CARNMT1: variants seen among roughly 807,000 people sequenced by gnomAD.
CARNMT1 encodes the protein protein-L-histidine N-pros-methyltransferase CARNMT1.
Under a neutral mutation model 49.6 loss-of-function variants are expected in CARNMT1, and 28 were observed. That is an observed-to-expected ratio of 0.56 (90% CI 0.42 to 0.77). The LOEUF (loss-of-function observed/expected upper bound fraction) is 0.77, where lower values mean the gene tolerates loss of function less well. Ranked by LOEUF, CARNMT1 falls within the 30% of genes least tolerant of loss-of-function variation. The pLI is 0.00. For missense variants in CARNMT1, 421 were observed against 512.6 expected (o/e 0.82, Z 1.73); for synonymous variants, 178 against 175.0 (o/e 1.02, Z -0.13).
At chr9:75,027,022 A>G in intron 1 of CARNMT1, 2 of 1,219,498 alleles carry the variant, frequency 1.6e-6, no homozygotes, top group Non-Finnish European at 2.2e-6. Context: ...CATAAAGCAC[A>G]GCAGGAACCC....
chr9:75,009,211 CT>C (rs1833612936), intron 3 of CARNMT1, among the ~76,000 whole-genome samples: 1 of 151,866 alleles, frequency 6.6e-6, no homozygotes, highest in Non-Finnish European at 1.5e-5. Flanking sequence ...CTATAAAAAC[CT>C]TATTTTAAAA....
At position 74,998,581 on chromosome 9, in the gene CARNMT1, G is replaced by T; in HGVS notation, c.910+17C>A. ...GAATAAAGGACAAGACTTTTTAAACGCTTGATTTGGACTTACTGCATTCTG... is the reference window on the plus strand; with the variant it reads ...GAATAAAGGACAAGACTTTTTAAACTCTTGATTTGGACTTACTGCATTCTG... On this transcript the variant is annotated intron_variant, in intron 5 of 7. Transcript: ENST00000376834. 3 of 1,520,632 alleles carry T rather than the reference G, an allele frequency of 2.0e-6. No homozygotes were observed. Among genetic ancestry groups the T allele is most frequent in the Non-Finnish European group, 2.6e-6 (3 of 1,133,244 alleles). 94.2% of individuals were successfully genotyped at this position (1,520,632 alleles called of 1,614,324 possible).
At chr9:75,022,240 T>TTG (rs1822390249) in intron 1 of CARNMT1, among the ~76,000 whole-genome samples, 1 of 130,952 alleles carries the variant, frequency 7.6e-6, no homozygotes, top group Non-Finnish European at 1.6e-5. Context: ...TTTTTTTTTT[T>TTG]GGAGATGGAG....
At chr9:75,001,656 T>C (rs1450798080) in intron 3 of CARNMT1, among the ~76,000 whole-genome samples, 1 of 152,210 alleles carries the variant, frequency 6.6e-6, no homozygotes, top group Admixed American at 6.5e-5. Context: ...ATGGGTAAGA[T>C]GGAGAAAATT....
At chr9:75,026,945 C>T in intron 1 of CARNMT1, 1 of 519,404 alleles carries the variant, frequency 1.9e-6, no homozygotes, top group Non-Finnish European at 3.3e-6. Flanking sequence ...TTGAGGAGGT[C>T]ACAGCAAAGC....
chr9:74,997,099 G>A lies in CARNMT1; in HGVS notation c.911-539C>T, dbSNP rs973580726. On this transcript the variant is annotated intron_variant, in intron 5 of 7. Coordinates refer to ENST00000376834, the MANE Select transcript of CARNMT1 (RefSeq NM_152420.3). ...GGGTGGGAACCCAGTAGAGAACACC[G>A]TTTGCCTCTAGGAGGTATGGTGTCT... Among the ~76,000 whole-genome samples the A allele has an allele frequency of 3.9e-5, 6 of 152,084 alleles. No individual in the cohort carries two copies. The East Asian group carries it at 1.2e-3, about 29-fold the overall frequency.
Position 74,998,647 on chromosome 9 carries a change from A to T in CARNMT1, c.861T>A (p.Ser287=). Residue 287 remains serine (S), a synonymous_variant, in exon 5 of 8, where the codon TCT becomes TCA. Transcript: ENST00000376834. ...DVDPHSLPPG[S]NFSMTAGDFQ... is the part of the protein sequence containing the mutation. Reference sequence around the variant, plus strand: ...AATCTCCTGCTGTCATAGAAAAGTTAGAACCAGGAGGAAGACTGTGGGGGT... The same window carrying T: ...AATCTCCTGCTGTCATAGAAAAGTTTGAACCAGGAGGAAGACTGTGGGGGT... 6.2e-7 allele frequency: 1 copy of T among 1,602,152 alleles called. No individual in the cohort carries two copies. Among genetic ancestry groups the T allele is most frequent in the Non-Finnish European group, 8.5e-7 (1 of 1,174,936 alleles).
Position 74,982,160 on chromosome 9 carries a change from G to GA in CARNMT1, c.*1606dup, listed in dbSNP as rs1832708320. ...CGGAAAAGGTCCCCCCAACTAGTAAGATGCCAAATAGGGTAGTGACTCCCC... is the reference window on the plus strand; with the variant it reads ...CGGAAAAGGTCCCCCCAACTAGTAAGAATGCCAAATAGGGTAGTGACTCCCC... On this transcript the variant is annotated 3_prime_UTR_variant, in exon 8 of 8. Transcript: ENST00000376834. 1 of 152,078 alleles carries GA rather than the reference G, an allele frequency of 6.6e-6. No homozygotes were observed. The highest frequency in any genetic ancestry group is 1.5e-5 in the Non-Finnish European group (1 of 68,012). The allele number at this position is 152,078 out of a possible 1,614,324, so 9.4% of individuals were successfully genotyped here.
intron 1 of CARNMT1, 141 bp downstream of exon 1, chr9:75,027,871 C>T (rs1178467350): frequency 1.1e-6 from 1 of 949,836 alleles, no homozygotes; most frequent in Non-Finnish European, 1.5e-6. Flanking sequence ...TGACTCGGGG[C>T]CCGGAGGTCA....
chr9:75,015,542 T>C (rs1244613246), intron 3 of CARNMT1, among the ~76,000 whole-genome samples: 4 of 151,970 alleles, frequency 2.6e-5, no homozygotes, highest in Non-Finnish European at 5.9e-5. Context: ...TCCCAGCACT[T>C]TGGGAGGAAG....
At chr9:75,023,678 T>G (rs1164054123) in intron 1 of CARNMT1, among the ~76,000 whole-genome samples, 1 of 152,240 alleles carries the variant, frequency 6.6e-6, no homozygotes, top group Non-Finnish European at 1.5e-5. Context: ...TGCACATGCT[T>G]ACGCTATCAG....
intron 1 of CARNMT1, among the ~76,000 whole-genome samples, chr9:75,024,548 A>C (rs1262286062): frequency 1.3e-5 from 2 of 152,232 alleles, no homozygotes; most frequent in Non-Finnish European, 2.9e-5. Flanking sequence ...CTGGGTTATA[A>C]AACTAACATT....
intron 6 of CARNMT1, among the ~76,000 whole-genome samples, chr9:74,985,401 C>A (rs534739963): frequency 6.6e-6 from 1 of 152,082 alleles, no homozygotes; most frequent in Non-Finnish European, 1.5e-5. Flanking sequence ...AAAGGAGGAG[C>A]CTCAAGTTAA....
chr9:75,013,781 A>C (rs976281023), intron 3 of CARNMT1, among the ~76,000 whole-genome samples: 2 of 152,082 alleles, frequency 1.3e-5, no homozygotes, highest in African/African-American at 4.8e-5. Context: ...AGGCAGGAGG[A>C]TCACTTGAGG....
At chr9:74,997,780 A>G (rs1833233704) in intron 5 of CARNMT1, among the ~76,000 whole-genome samples, 1 of 151,054 alleles carries the variant, frequency 6.6e-6, no homozygotes, top group Admixed American at 6.6e-5. Context: ...TCCCTGCCTT[A>G]TTTTTTCTTC....
At chr9:75,013,734 T>C (rs548622528) in intron 3 of CARNMT1, among the ~76,000 whole-genome samples, 2 of 152,148 alleles carry the variant, frequency 1.3e-5, no homozygotes, top group African/African-American at 4.8e-5. Context: ...CCAGGCACAG[T>C]GGTTTATGCC....
At chr9:74,995,905 C>G (rs1207894653) in intron 6 of CARNMT1, 1 of 151,980 alleles carries the variant, frequency 6.6e-6, no homozygotes. Context: ...TTATAGTCAA[C>G]ATTTAATTTC....
chr9:75,016,531 G>C, intron 2 of CARNMT1, 100 bp from the exon 3 acceptor site: 6 of 1,094,800 alleles, frequency 5.5e-6, no homozygotes, highest in Non-Finnish European at 7.9e-6. Flanking sequence ...GTGGTTTAGT[G>C]GATAAATCAC....
chr9:74,996,283 G>T, intron 6 of CARNMT1, 164 bp downstream of exon 6: 1 of 526,680 alleles, frequency 1.9e-6, no homozygotes, highest in Non-Finnish European at 3.3e-6. Flanking sequence ...TGCCTTTGGA[G>T]GGATCACCAC....
Sources: gnomAD v4.1 joint callset for allele counts (sites outside exome capture counted in the v4.1 genomes callset) on GRCh38, gnomAD v4.1.1 for gene constraint, MANE v1.5 for transcripts, NCBI Gene and HGNC (gene_info 2026-07-23, HGNC 2026-07-21) for gene names.